SUOX: variants seen among roughly 807,000 people sequenced by gnomAD.
SUOX encodes sulfite oxidase.
In SUOX, 39 loss-of-function variants were observed where a neutral mutation model predicts 41.9. That is an observed-to-expected ratio of 0.93 (90% CI 0.72 to 1.21). SUOX has a LOEUF of 1.21. Among genes scored for constraint, SUOX ranks in the 50% most tolerant of loss-of-function variants. SUOX has a pLI of 0.00. For missense variants in SUOX, 633 were observed against 689.5 expected, an observed-to-expected ratio of 0.92 and a Z score of 0.92; for synonymous variants, 220 against 268.4, an observed-to-expected ratio of 0.82 and a Z score of 1.76.
chr12:56,000,262 C>T (rs1249861292), intron 2 of SUOX, among the ~76,000 whole-genome samples: 1 of 152,332 alleles, frequency 6.6e-6, no homozygotes, highest in East Asian at 1.9e-4. Flanking sequence ...TCAGGCATGG[C>T]GGGCTGCAGG....
intron 3 of SUOX, 62 bp downstream of exon 3, chr12:56,002,333 A>G: frequency 6.4e-7 from 1 of 1,573,664 alleles, no homozygotes; most frequent in East Asian, 2.2e-5. Flanking sequence ...AGTGTCTTTT[A>G]CAATGTCATA....
Position 56,004,312 on chromosome 12 carries a change from A to G in SUOX, c.923A>G (p.Gln308Arg). Residue 308 changes from glutamine to arginine, a missense_variant, in exon 5 of 5, where the codon CAA becomes CGA. Coordinates refer to ENST00000266971, the MANE Select transcript of SUOX (RefSeq NM_001032386.2). The surrounding 1 kb of genome is among the most constrained non-coding windows in gnomAD (Gnocchi z 4.5). ...GATGTGTTAGCCCAGGCTGGCCACC[A>G]ACTCTGTGAAACTGAGGCCCACGTC... is the stretch of plus-strand genomic sequence containing the variant. Reference protein sequence around the residue: ...LCDVLAQAGHQLCETEAHVCF... With the variant: ...LCDVLAQAGHRLCETEAHVCF... 1 of 1,614,108 alleles carries G rather than the reference A, an allele frequency of 6.2e-7. No individual in the cohort carries two copies. Among genetic ancestry groups the G allele is most frequent in the Non-Finnish European group, 8.5e-7 (1 of 1,180,008 alleles).
chr12:56,003,859 T>C lies in SUOX; in HGVS notation c.470T>C (p.Ile157Thr), dbSNP rs143300414. Residue 157 changes from isoleucine to threonine, a missense_variant, in exon 5 of 5, where the codon ATT (isoleucine) becomes ACT (threonine). Coordinates refer to ENST00000266971, the MANE Select transcript of SUOX (RefSeq NM_001032386.2). ...HVRELLAQYK[I>T]GELNPEDKVA... ...CGTGAGTTACTGGCTCAGTACAAGA[T>C]TGGGGAGCTGAATCCTGAAGACAAG... 1.3e-4 allele frequency: 206 copies of C among 1,614,072 alleles called. No homozygotes were observed. The highest frequency in any genetic ancestry group is 2.5e-4 in the East Asian group (11 of 44,874).
chr12:56,005,156 T>G lies in SUOX; in HGVS notation c.*129T>G. On this transcript the variant is annotated 3_prime_UTR_variant, in exon 5 of 5. Transcript: ENST00000266971. ...CCTAAGCCATACCCAAGTACACATA[T>G]AGCACATTTCACCCAAGGACCTTCC... 9.6e-7 allele frequency: 1 copy of G among 1,045,234 alleles called. No homozygotes were observed. The highest frequency in any genetic ancestry group is 1.3e-5 in the South Asian group (1 of 76,364). The allele number at this position is 1,045,234 out of a possible 1,614,324, so 64.7% of individuals were successfully genotyped here. A position where few individuals can be genotyped will look rare whatever the true frequency, so the allele number is the denominator to read the frequency against.
chr12:56,000,494 G>A (rs1004839389), intron 2 of SUOX, among the ~76,000 whole-genome samples: 2 of 152,266 alleles, frequency 1.3e-5, no homozygotes, highest in East Asian at 3.9e-4. Context: ...CGCAAGCTCC[G>A]CGCTCAGCCC....
At position 56,002,713 on chromosome 12, in the gene SUOX, G is replaced by GT; in HGVS notation, c.221_222insT (p.Cys75ValfsTer2). The stretch of plus-strand genomic sequence containing the variant: ...GCAGTGTTGGCCTATCAGGACCATC[G>GT]GTGTAGGGTAAGTAGGGAAAGTGCT... On this transcript the variant is annotated frameshift_variant, in exon 4 of 5. Transcript: ENST00000266971. LOFTEE classifies it high-confidence loss of function. 6.2e-7 allele frequency: 1 copy of GT among 1,614,048 alleles called. No individual in the cohort carries two copies. The highest frequency in any genetic ancestry group is 8.5e-7 in the Non-Finnish European group (1 of 1,180,010).
intron 4 of SUOX, 106 bp from the exon 5 acceptor site, chr12:56,003,512 C>T: frequency 4.6e-6 from 5 of 1,076,050 alleles, no homozygotes; most frequent in East Asian, 4.8e-5. Flanking sequence ...CCGCCCACCT[C>T]GGCCTCCCAA....
At position 56,002,560 on chromosome 12, in the gene SUOX, C is replaced by T; in HGVS notation, c.68C>T (p.Ser23Leu). The T allele has an allele frequency of 6.2e-7, 1 of 1,614,180 alleles. No homozygotes were observed. Among genetic ancestry groups the T allele is most frequent in the Non-Finnish European group, 8.5e-7 (1 of 1,180,040 alleles). The part of the protein sequence containing the change: ...QQACRLKSIP[S>L]RICIQACSTN... The stretch of plus-strand genomic sequence containing the variant: ...TCTTCCAGACTCAAGTCAATCCCCT[C>T]AAGGATCTGCATTCAGGCCTGCTCC... Residue 23 changes from serine to leucine, a missense_variant, in exon 4 of 5, where the codon TCA becomes TTA. By Grantham distance (145) the Ser-to-Leu change is moderately radical (BLOSUM62 -2). Transcript: ENST00000266971.
rs147541837 is a variant in SUOX at position 56,003,897 on chromosome 12, G to A, written c.508G>A (p.Val170Met). The change falls in exon 5 of 5, where the codon GTG becomes ATG. Residue 170 changes from valine to methionine, a missense_variant. Transcript: ENST00000266971. Reference protein sequence around the residue: ...LNPEDKVAPTVETSDPYADDP... With the variant: ...LNPEDKVAPTMETSDPYADDP... Reference sequence around the variant, plus strand: ...TCCTGAAGACAAGGTAGCCCCCACCGTGGAGACCTCTGACCCTTATGCTGA... The same window carrying A: ...TCCTGAAGACAAGGTAGCCCCCACCATGGAGACCTCTGACCCTTATGCTGA... The A allele has an allele frequency of 5.6e-6, 9 of 1,613,942 alleles. No individual in the cohort carries two copies. Among genetic ancestry groups the A allele is most frequent in the Admixed American group, 1.7e-5 (1 of 59,984 alleles).
chr12:56,000,361 T>G (rs1249906040), intron 2 of SUOX, among the ~76,000 whole-genome samples: 1 of 152,194 alleles, frequency 6.6e-6, no homozygotes, highest in Non-Finnish European at 1.5e-5. Context: ...GGGGACCCAG[T>G]ACACCCTCCG....
chr12:55,997,991 A>C (rs1470522803), intron 2 of SUOX, among the ~76,000 whole-genome samples: 2 of 151,918 alleles, frequency 1.3e-5, no homozygotes, highest in Non-Finnish European at 2.9e-5. Flanking sequence ...TGCCCCTGAC[A>C]CTCTGGCCAT....
At chr12:56,002,157 C>T in intron 2 of SUOX, 55 bp from the exon 3 acceptor site, 2 of 1,606,116 alleles carry the variant, frequency 1.2e-6, no homozygotes, top group South Asian at 2.2e-5. Context: ...TTAGGCCTCC[C>T]TAATATCCCC....
chr12:56,002,877 A>C, intron 4 of SUOX, 157 bp downstream of exon 4: 1 of 753,016 alleles, frequency 1.3e-6, no homozygotes. Context: ...TCTAGTAAAA[A>C]TTAGCCAGGT....
chr12:55,998,432 C>T (rs1592819061), intron 2 of SUOX, among the ~76,000 whole-genome samples: 1 of 151,424 alleles, frequency 6.6e-6, no homozygotes, highest in Non-Finnish European at 1.5e-5. Flanking sequence ...CTGTGGTCCC[C>T]GCTACTCAGG....
chr12:56,005,448 T>G lies in SUOX; in HGVS notation c.*421T>G. On this transcript the variant is annotated 3_prime_UTR_variant, in exon 5 of 5. Transcript: ENST00000266971. ...ACTACCTCTCCAGGTTGCCAGAGAG[T>G]TGCGAGGAGAGCAAGGGGCACAACC... 2.1e-6 allele frequency: 1 copy of G among 471,830 alleles called. No homozygotes were observed. Among genetic ancestry groups the G allele is most frequent in the East Asian group, 3.2e-5 (1 of 31,514 alleles). 29.2% of individuals were successfully genotyped at this position (471,830 alleles called of 1,614,324 possible). A position where few individuals can be genotyped will look rare whatever the true frequency, so the allele number is the denominator to read the frequency against.
rs976006428 is a variant in SUOX at position 56,003,676 on chromosome 12, C to T, written c.287C>T (p.Pro96Leu). 6.2e-7 allele frequency: 1 copy of T among 1,613,946 alleles called. No homozygotes were observed. Among genetic ancestry groups the T allele is most frequent in the Admixed American group, 1.7e-5 (1 of 59,988 alleles). The stretch of plus-strand genomic sequence containing the variant: ...GAGGAAGTGAGTTCCCACACCAGCC[C>T]TGAGACTGGGATCTGGGTGACTCTG... ...TKEEVSSHTSPETGIWVTLGS... is the reference protein window; with the variant it reads ...TKEEVSSHTSLETGIWVTLGS... The change falls in exon 5 of 5, where the codon CCT (proline) becomes CTT (leucine). Residue 96 changes from proline to leucine, a missense_variant. Transcript: ENST00000266971.
In SUOX at chr12:56,004,674, A is replaced by G; in HGVS notation, c.1285A>G (p.Ile429Val). The part of the protein sequence containing the change: ...SIQELPVQSA[I>V]TEPRDGETVE... ...TCAGGAACTTCCTGTCCAGTCGGCCATCACAGAGCCCCGGGATGGAGAGAC... is the reference window on the plus strand; with the variant it reads ...TCAGGAACTTCCTGTCCAGTCGGCCGTCACAGAGCCCCGGGATGGAGAGAC... Residue 429 changes from isoleucine to valine, a missense_variant, in exon 5 of 5, where the codon ATC (isoleucine) becomes GTC (valine). Ile to Val is a conservative substitution (Grantham distance 29). Coordinates refer to ENST00000266971, the MANE Select transcript of SUOX (RefSeq NM_001032386.2). The surrounding 1 kb of genome is among the most constrained non-coding windows in gnomAD (Gnocchi z 4.5). The G allele has an allele frequency of 1.2e-6, 2 of 1,613,912 alleles. No homozygotes were observed. Among genetic ancestry groups the G allele is most frequent in the Non-Finnish European group, 1.7e-6 (2 of 1,179,804 alleles).
In SUOX at chr12:56,003,987, C is replaced by G. The variant is rs1890634735; in HGVS notation, c.598C>G (p.Pro200Ala). 23 of 1,614,172 alleles carry G rather than the reference C, an allele frequency of 1.4e-5. No individual in the cohort carries two copies. The highest frequency in any genetic ancestry group is 1.9e-5 in the Non-Finnish European group (22 of 1,180,028). Residue 200 changes from proline (P) to alanine (A), a missense_variant, in exon 5 of 5, where the codon CCT becomes GCT. Pro to Ala is a conservative substitution (Grantham distance 27). Coordinates refer to ENST00000266971, the MANE Select transcript of SUOX (RefSeq NM_001032386.2). ...SQRPFNAEPP[P>A]ELLTENYITP... ...GCGGCCCTTTAATGCAGAGCCTCCC[C>G]CTGAGCTGCTGACAGAAAACTACAT...
intron 2 of SUOX, among the ~76,000 whole-genome samples, chr12:56,001,085 A>G (rs1037004655): frequency 8.4e-5 from 10 of 118,750 alleles, no homozygotes; most frequent in Non-Finnish European, 1.2e-4. Context: ...GCGCCGGGCT[A>G]ATTTTTCTAT....
Sources: gnomAD v4.1 joint callset for allele counts (sites outside exome capture counted in the v4.1 genomes callset) on GRCh38, gnomAD v4.1.1 for gene constraint, Gnocchi (gnomAD v3.1) non-coding constraint, MANE v1.5 for transcripts, NCBI Gene and HGNC (gene_info 2026-07-23, HGNC 2026-07-21) for gene names.